GOLGA4: variants seen among roughly 807,000 people sequenced by gnomAD.
GOLGA4 encodes the protein golgin subfamily A member 4.
A neutral mutation model predicts 265.9 loss-of-function variants in GOLGA4; 169 were observed. The ratio of observed to expected loss-of-function variants is 0.64; its 90% confidence interval spans 0.56 to 0.72. GOLGA4 has a LOEUF of 0.72. GOLGA4 is among the 30% of genes least tolerant of loss of function. The pLI is 0.00. For missense variants in GOLGA4, 2,482 were observed against 2,483.4 expected (o/e 1.00, Z 0.01); for synonymous variants, 923 against 855.8 (o/e 1.08, Z -1.37).
intron 22 of GOLGA4, among the ~76,000 whole-genome samples, chr3:37,359,383 G>A (rs17199922): frequency 0.28 from 41,999 of 152,012 alleles, 7,253 homozygotes; most frequent in Non-Finnish European, 0.39. Context: ...TGGGTAACAA[G>A]CATCTCAGAA....
intron 12 of GOLGA4, chr3:37,320,420 T>C (rs2096951591): frequency 1.3e-5 from 2 of 152,194 alleles, no homozygotes; most frequent in African/African-American, 4.8e-5. Flanking sequence ...TCACTCTTAG[T>C]TGCATCTGGG....
At chr3:37,322,199 T>C (rs2096956885) in intron 13 of GOLGA4, among the ~76,000 whole-genome samples, 1 of 152,170 alleles carries the variant, frequency 6.6e-6, no homozygotes, top group Admixed American at 6.5e-5. Flanking sequence ...GCTCATTTTG[T>C]AGGCAATACT....
intron 1 of GOLGA4, among the ~76,000 whole-genome samples, chr3:37,244,775 A>G (rs2096714499): frequency 6.6e-6 from 1 of 152,274 alleles, no homozygotes. Context: ...ACAACACTGA[A>G]GGGTTGCTTC....
At position 37,327,277 on chromosome 3, in the gene GOLGA4, T is replaced by G; in HGVS notation, c.5391T>G (p.Leu1797=). 1 of 1,613,792 alleles carries G rather than the reference T, an allele frequency of 6.2e-7. No homozygotes were observed. ...AAGATCAAAGTATGATAGGTCATCT[T>G]CAAGAGGAGCTTGAAGAAAAAAACA... ...QHEDQSMIGH[L]QEELEEKNKK... Residue 1797 remains leucine, a synonymous_variant, in exon 14 of 24, where the codon CTT becomes CTG. Transcript: ENST00000361924.
intron 2 of GOLGA4, among the ~76,000 whole-genome samples, chr3:37,263,297 C>T (rs1453788051): frequency 1.3e-5 from 2 of 152,104 alleles, no homozygotes; most frequent in African/African-American, 4.8e-5. Flanking sequence ...TTGTCCAACC[C>T]AGCTTATTTT....
Position 37,286,939 on chromosome 3 carries a change from G to T in GOLGA4, c.525+878G>T, listed in dbSNP as rs147970097. ...TCATCCTGTTTGCTTGTGTTTCTATGCATTGGCTATGGAAATTTCCCACTA... is the reference window on the plus strand; with the variant it reads ...TCATCCTGTTTGCTTGTGTTTCTATTCATTGGCTATGGAAATTTCCCACTA... On this transcript the variant is annotated intron_variant, in intron 4 of 23. Transcript: ENST00000361924. Among the ~76,000 whole-genome samples, 5 of 152,308 alleles carry T rather than the reference G, an allele frequency of 3.3e-5. No individual in the cohort carries two copies. The East Asian group carries it at 9.6e-4, about 29-fold the overall frequency.
chr3:37,269,402 C>T (rs1254395497), intron 2 of GOLGA4, among the ~76,000 whole-genome samples: 1 of 152,094 alleles, frequency 6.6e-6, no homozygotes, highest in Non-Finnish European at 1.5e-5. Flanking sequence ...ACTTGCACAT[C>T]CTGAACATGT....
Position 37,355,097 on chromosome 3 carries a change from G to A in GOLGA4, c.6577-4G>A. ...TTAGTGATCATCTCTTGTTTTTCTT[G>A]TAGACCATGGCAAAAGTTATAACCA... On this transcript the variant is annotated splice_polypyrimidine_tract_variant and splice_region_variant and intron_variant, in intron 21 of 23. Coordinates refer to ENST00000361924, the MANE Select transcript of GOLGA4 (RefSeq NM_002078.5). 1.3e-6 allele frequency: 2 copies of A among 1,565,424 alleles called. No homozygotes were observed. The highest frequency in any genetic ancestry group is 1.8e-6 in the Non-Finnish European group (2 of 1,136,448).
Position 37,321,484 on chromosome 3 carries a change from T to C in GOLGA4, c.1546-247T>C, listed in dbSNP as rs7636474. ...TTTCGTAAAACAAGTAGTGGAAAAA[T>C]AGCAGACATAGTGGGGTTATTGGAA... On this transcript the variant is annotated intron_variant, in intron 12 of 23. Coordinates refer to ENST00000361924, the MANE Select transcript of GOLGA4 (RefSeq NM_002078.5). 636 of 362,312 alleles carry C rather than the reference T, an allele frequency of 1.8e-3. 4 individuals are homozygous for C. The highest frequency in any genetic ancestry group is 0.012 in the African/African-American group (585 of 47,474). The allele number at this position is 362,312 out of a possible 1,614,324, so 22.4% of individuals were successfully genotyped here. A position where few individuals can be genotyped will look rare whatever the true frequency, so the allele number is the denominator to read the frequency against.
At position 37,366,264 on chromosome 3, in the gene GOLGA4, G is replaced by A. The variant is rs879021103; in HGVS notation, c.*218G>A. The A allele has an allele frequency of 2.1e-5, 10 of 466,506 alleles. No individual in the cohort carries two copies. In the South Asian group the frequency reaches 6.0e-4, roughly 28 times the overall value. The allele number at this position is 466,506 out of a possible 1,614,324, so 28.9% of individuals were successfully genotyped here. The stretch of plus-strand genomic sequence containing the variant: ...TGCCTTTAAAATAGATTTTATCAGT[G>A]GAGAAATGGTGATAGTTTTTTCTTC... On this transcript the variant is annotated 3_prime_UTR_variant, in exon 24 of 24. Coordinates refer to ENST00000361924, the MANE Select transcript of GOLGA4 (RefSeq NM_002078.5).
At chr3:37,359,850 C>T (rs1396808669) in intron 22 of GOLGA4, among the ~76,000 whole-genome samples, 1 of 152,138 alleles carries the variant, frequency 6.6e-6, no homozygotes, top group Non-Finnish European at 1.5e-5. Flanking sequence ...AAGGTGGGTT[C>T]AGGAAACACA....
At chr3:37,340,278 G>T in intron 20 of GOLGA4, 79 bp downstream of exon 20, 6 of 575,618 alleles carry the variant, frequency 1.0e-5, no homozygotes, top group South Asian at 3.2e-5. Context: ...TTTTGTTTTT[G>T]CTAATTTATA....
rs2096708385 is a variant in GOLGA4 at position 37,243,510 on chromosome 3, T to A, written c.-41T>A. On this transcript the variant is annotated 5_prime_UTR_variant, in exon 1 of 24. Coordinates refer to ENST00000361924, the MANE Select transcript of GOLGA4 (RefSeq NM_002078.5). Reference sequence around the variant, plus strand: ...CCGGGACTCCCCGGGCTCTCGCCCTTCAGGTTTCGTTGACACTCAGGACCG... The same window carrying A: ...CCGGGACTCCCCGGGCTCTCGCCCTACAGGTTTCGTTGACACTCAGGACCG... 6.3e-7 allele frequency: 1 copy of A among 1,589,740 alleles called. No homozygotes were observed. The highest frequency in any genetic ancestry group is 1.3e-5 in the African/African-American group (1 of 74,618).
At chr3:37,364,592 C>CTT (rs554906288) in intron 23 of GOLGA4, among the ~76,000 whole-genome samples, 8 of 128,438 alleles carry the variant, frequency 6.2e-5, no homozygotes, top group East Asian at 2.3e-4. Flanking sequence ...TATGTCATAG[C>CTT]TTTTTTTTTT....
intron 7 of GOLGA4, among the ~76,000 whole-genome samples, chr3:37,297,801 C>T (rs534712318): frequency 2.0e-5 from 3 of 152,174 alleles, no homozygotes; most frequent in East Asian, 1.9e-4. Flanking sequence ...CTGAAGCAGG[C>T]GGATTGCCTG....
At position 37,308,611 on chromosome 3, in the gene GOLGA4, T is replaced by TAA. The variant is rs568500552; in HGVS notation, c.1234+6281_1234+6282dup. Among the ~76,000 whole-genome samples the TAA allele has an allele frequency of 5.2e-3, 694 of 132,738 alleles. 5 individuals carry two copies. The highest frequency in any genetic ancestry group is 9.6e-3 in the Non-Finnish European group (537 of 55,840). The allele number at this position is 132,738 out of a possible 152,430, so 87.1% of individuals were successfully genotyped here. Reference sequence around the variant, plus strand: ...TATTTACTGTATTAATAATTAAAAGTAAATATATATATATATTTTTTTGAG... The same window carrying TAA: ...TATTTACTGTATTAATAATTAAAAGTAAAAATATATATATATATTTTTTTGAG... On this transcript the variant is annotated intron_variant, in intron 10 of 23. Transcript: ENST00000361924.
In GOLGA4 at chr3:37,325,294, T is replaced by A; in HGVS notation, c.3408T>A (p.Leu1136=). The A allele has an allele frequency of 6.2e-7, 1 of 1,613,692 alleles. No homozygotes were observed. The highest frequency in any genetic ancestry group is 8.5e-7 in the Non-Finnish European group (1 of 1,179,800). The stretch of plus-strand genomic sequence containing the variant: ...ATGAAACTAAACTGAAAGCTCATCT[T>A]GAAAAGCTAGAGGTTGACTTGAATA... ...AQDETKLKAH[L]EKLEVDLNKS... Residue 1136 remains leucine, a synonymous_variant, in exon 14 of 24, where the codon CTT becomes CTA. Transcript: ENST00000361924.
intron 2 of GOLGA4, among the ~76,000 whole-genome samples, chr3:37,260,634 G>A (rs115317822): frequency 0.018 from 2,514 of 137,064 alleles, 37 homozygotes; most frequent in Non-Finnish European, 0.03. Context: ...GTGAAACTCC[G>A]TCTCAAAAAA....
At chr3:37,265,508 T>A (rs949336657) in intron 2 of GOLGA4, among the ~76,000 whole-genome samples, 6 of 152,220 alleles carry the variant, frequency 3.9e-5, no homozygotes, top group Non-Finnish European at 7.3e-5. Flanking sequence ...TAAATGTTAT[T>A]CTTAAGACTT....
Sources: allele counts gnomAD v4.1 joint callset (sites outside exome capture counted in the v4.1 genomes callset), GRCh38; gene constraint gnomAD v4.1.1; transcripts MANE v1.5; gene names NCBI Gene and HGNC (gene_info 2026-07-23, HGNC 2026-07-21).